PIGF: variants seen among roughly 807,000 people sequenced by gnomAD.
PIGF encodes GPI ethanolamine phosphate transferase, stabilizing subunit.
PIGF carries 23 observed loss-of-function variants against 26.0 expected under a neutral mutation model. The observed-to-expected ratio is 0.88, with a 90% CI of 0.64 to 1.25. The LOEUF is 1.25. PIGF is among the 50% of genes most tolerant of loss of function. PIGF has a pLI of 0.00. For missense variants in PIGF, 278 were observed against 249.9 expected (o/e 1.11, Z -0.76); for synonymous variants, 93 against 92.6 (o/e 1.00, Z -0.03).
At chr2:46,584,714 A>G (rs1669511685) in intron 5 of PIGF, among the ~76,000 whole-genome samples, 1 of 152,208 alleles carries the variant, frequency 6.6e-6, no homozygotes, top group African/African-American at 2.4e-5. Flanking sequence ...TGTACTTACA[A>G]GAGTACCTCC....
intron 4 of PIGF, among the ~76,000 whole-genome samples, chr2:46,605,514 A>G (rs1670189815): frequency 6.6e-6 from 1 of 152,152 alleles, no homozygotes; most frequent in Non-Finnish European, 1.5e-5. Context: ...TCCATTCAAC[A>G]AACATTTCTT....
At chr2:46,615,321 A>T in intron 1 of PIGF, 136 bp from the exon 2 acceptor site, 1 of 554,878 alleles carries the variant, frequency 1.8e-6, no homozygotes, top group Non-Finnish European at 3.2e-6. Flanking sequence ...CAAAAGATGC[A>T]GACGTGTAGA....
chr2:46,598,985 G>C (rs1014472678), intron 4 of PIGF, among the ~76,000 whole-genome samples: 3 of 152,164 alleles, frequency 2.0e-5, no homozygotes, highest in African/African-American at 7.2e-5. Flanking sequence ...CAAAATGTCA[G>C]TACCATTTTC....
intron 2 of PIGF, chr2:46,614,079 A>G (rs920142572): frequency 8.8e-6 from 2 of 228,450 alleles, no homozygotes; most frequent in Non-Finnish European, 1.7e-5. Flanking sequence ...TCATTAATCA[A>G]TATTTATCAA....
In PIGF at chr2:46,588,294, C is replaced by T. The variant is rs1277452402; in HGVS notation, c.546+4181G>A. 2.7e-5 allele frequency: 35 copies of T among 1,307,152 alleles called. No individual in the cohort carries two copies. In the Admixed American group the frequency reaches 8.6e-4, roughly 32 times the overall value. 81.0% of individuals were successfully genotyped at this position (1,307,152 alleles called of 1,614,324 possible). Reference sequence around the variant, plus strand: ...GTCCACTCTACCAACTGAAAGACTGCTGGGCAGAAAAAATAAAACAACAAA... The same window carrying T: ...GTCCACTCTACCAACTGAAAGACTGTTGGGCAGAAAAAATAAAACAACAAA... On this transcript the variant is annotated intron_variant, in intron 5 of 5. Transcript: ENST00000281382. The surrounding 1 kb of genome is among the most constrained non-coding windows in gnomAD (Gnocchi z 4.1).
At chr2:46,587,053 G>C (rs1669601934) in intron 5 of PIGF, among the ~76,000 whole-genome samples, 1 of 152,226 alleles carries the variant, frequency 6.6e-6, no homozygotes, top group Non-Finnish European at 1.5e-5. Flanking sequence ...AGTCCTGTTA[G>C]CAGAGCATTA....
At chr2:46,605,850 T>G (rs1285466988) in intron 4 of PIGF, among the ~76,000 whole-genome samples, 1 of 152,184 alleles carries the variant, frequency 6.6e-6, no homozygotes, top group African/African-American at 2.4e-5. Context: ...TCTCACTAGA[T>G]TGCTCTGAGA....
chr2:46,607,059 G>C (rs1371078857), intron 4 of PIGF, among the ~76,000 whole-genome samples: 1 of 152,204 alleles, frequency 6.6e-6, no homozygotes, highest in African/African-American at 2.4e-5. Context: ...CAAATCTATA[G>C]AGACAGTAAG....
intron 4 of PIGF, among the ~76,000 whole-genome samples, chr2:46,597,423 T>C (rs1353232721): frequency 2.0e-5 from 3 of 151,948 alleles, no homozygotes; most frequent in East Asian, 1.9e-4. Flanking sequence ...TTTGTTGTTT[T>C]TTTTTTTGAG....
chr2:46,605,332 G>A (rs1398153567), intron 4 of PIGF, among the ~76,000 whole-genome samples: 3 of 152,136 alleles, frequency 2.0e-5, no homozygotes, highest in East Asian at 3.9e-4. Context: ...CTTCTCTTAC[G>A]TCAAAGTTCA....
chr2:46,582,436 A>G (rs564724577), intron 5 of PIGF: 3 of 152,336 alleles, frequency 2.0e-5, no homozygotes, highest in Non-Finnish European at 4.4e-5. Flanking sequence ...CTATTACCTA[A>G]TTCAGCTTCC....
In PIGF at chr2:46,615,085, G is replaced by A. The variant is rs1345816983; in HGVS notation, c.80C>T (p.Pro27Leu). 2 of 1,587,222 alleles carry A rather than the reference G, an allele frequency of 1.3e-6. No homozygotes were observed. The highest frequency in any genetic ancestry group is 1.7e-6 in the Non-Finnish European group (2 of 1,155,562). Reference protein sequence around the residue: ...IFSIILSVFIPSLFLENFSIL... With the variant: ...IFSIILSVFILSLFLENFSIL... ...TGAGAAGTTCTCCAAGAAGAGTGAT[G>A]GAATGAAGACACTTAGGATAATTGA... The change falls in exon 2 of 6, where the codon CCA becomes CTA. Residue 27 changes from proline to leucine, a missense_variant. By Grantham distance (98) the Pro-to-Leu change is moderately conservative. Coordinates refer to ENST00000281382, the MANE Select transcript of PIGF (RefSeq NM_002643.4).
At chr2:46,610,619 T>C (rs182015024) in intron 4 of PIGF, among the ~76,000 whole-genome samples, 13 of 139,200 alleles carry the variant, frequency 9.3e-5, no homozygotes, top group African/African-American at 3.5e-4. Context: ...AACCTCCGCC[T>C]CCTGGGTTCA....
chr2:46,594,840 GTT>G (rs70940629), intron 4 of PIGF, among the ~76,000 whole-genome samples: 1 of 143,926 alleles, frequency 6.9e-6, no homozygotes, highest in South Asian at 2.2e-4. Context: ...GGCCCTCACC[GTT>G]TTTTTTTTTG....
intron 4 of PIGF, among the ~76,000 whole-genome samples, chr2:46,599,314 T>C (rs150964120): frequency 3.3e-5 from 5 of 152,358 alleles, no homozygotes; most frequent in East Asian, 3.9e-4. Context: ...TTTCTTGATA[T>C]AGTGAGTCCC....
chr2:46,597,476 G>A (rs528496481), intron 4 of PIGF, among the ~76,000 whole-genome samples: 5 of 151,808 alleles, frequency 3.3e-5, no homozygotes, highest in African/African-American at 7.2e-5. Flanking sequence ...GCAGTGGCAC[G>A]ATCTTGGCTT....
At position 46,588,367 on chromosome 2, in the gene PIGF, A is replaced by C; in HGVS notation, c.546+4108T>G. On this transcript the variant is annotated intron_variant, in intron 5 of 5. Transcript: ENST00000281382. This position sits in a 1 kb window ranked among gnomAD's most constrained non-coding sequence, Gnocchi z 4.1. ...TAATATATGAGAACTCAAATAAATC[A>C]TGGAATTTGCATTTTTTGAAGGCTA... The C allele has an allele frequency of 5.5e-6, 4 of 733,416 alleles. No homozygotes were observed. The highest frequency in any genetic ancestry group is 8.2e-6 in the Non-Finnish European group (4 of 488,674). The allele number at this position is 733,416 out of a possible 1,614,324, so 45.4% of individuals were successfully genotyped here.
chr2:46,615,919 G>A (rs1222893343), intron 1 of PIGF: 1 of 152,092 alleles, frequency 6.6e-6, no homozygotes, highest in Non-Finnish European at 1.5e-5. Context: ...AATTACCTGA[G>A]AGCTGACTAA....
At chr2:46,600,117 C>T (rs1670010148) in intron 4 of PIGF, among the ~76,000 whole-genome samples, 4 of 152,240 alleles carry the variant, frequency 2.6e-5, no homozygotes, top group Admixed American at 2.0e-4. Context: ...CCAAGGCTTA[C>T]GCCTCCTCTT....
Sources: gnomAD v4.1 joint callset for allele counts (sites outside exome capture counted in the v4.1 genomes callset) on GRCh38, gnomAD v4.1.1 for gene constraint, Gnocchi (gnomAD v3.1) non-coding constraint, MANE v1.5 for transcripts, NCBI Gene and HGNC (gene_info 2026-07-23, HGNC 2026-07-21) for gene names.